The following CNTNAP2 variants were observed in gnomAD, a reference collection of about 807,000 sequenced individuals.
CNTNAP2 encodes the protein contactin-associated protein-like 2.
In CNTNAP2, 98 loss-of-function variants were observed where a neutral mutation model predicts 155.2. The ratio of observed to expected loss-of-function variants is 0.63; its 90% confidence interval spans 0.54 to 0.75. The LOEUF is 0.75. Among genes scored for constraint, CNTNAP2 ranks in the 30% least tolerant of loss-of-function variants. The pLI, the probability that CNTNAP2 is intolerant of heterozygous loss-of-function variation, is 0.00. For missense variants in CNTNAP2, 1,727 were observed against 1,688.1 expected (o/e 1.02, Z -0.40); for synonymous variants, 651 against 631.2 (o/e 1.03, Z -0.47).
chr7:148,015,419 C>T (rs1166227726), intron 15 of CNTNAP2, among the ~76,000 whole-genome samples: 1 of 152,076 alleles, frequency 6.6e-6, no homozygotes, highest in African/African-American at 2.4e-5. Context: ...GGGCTCTGCT[C>T]CTAAATCCAA....
intron 1 of CNTNAP2, among the ~76,000 whole-genome samples, chr7:146,570,217 T>C (rs1447953289): frequency 9.2e-5 from 14 of 152,158 alleles, no homozygotes; most frequent in Non-Finnish European, 2.1e-4. Context: ...CAGCCCATTT[T>C]TTTTTTTCTC....
At chr7:147,117,034 T>C (rs1801005627) in intron 5 of CNTNAP2, among the ~76,000 whole-genome samples, 1 of 152,156 alleles carries the variant, frequency 6.6e-6, no homozygotes, top group African/African-American at 2.4e-5. Flanking sequence ...CTGGCTGAAA[T>C]TCCAAGCCAG....
chr7:148,279,374 T>C (rs1349043852), intron 21 of CNTNAP2, among the ~76,000 whole-genome samples: 2 of 152,132 alleles, frequency 1.3e-5, no homozygotes, highest in South Asian at 2.1e-4. Flanking sequence ...TCAGAGCCCA[T>C]AGTATTTGGT....
chr7:148,291,312 T>A (rs1049604663), intron 21 of CNTNAP2, among the ~76,000 whole-genome samples: 2 of 108,676 alleles, frequency 1.8e-5, no homozygotes, highest in Admixed American at 1.7e-4. Context: ...TATATATATA[T>A]AAAATATGGA....
At chr7:147,157,060 G>A (rs756983273) in intron 8 of CNTNAP2, among the ~76,000 whole-genome samples, 12 of 152,054 alleles carry the variant, frequency 7.9e-5, no homozygotes, top group Non-Finnish European at 1.5e-4. Context: ...GCTTTTTGAT[G>A]CCCTGACAGT....
chr7:146,447,173 C>A (rs553333891), intron 1 of CNTNAP2, among the ~76,000 whole-genome samples: 1 of 152,068 alleles, frequency 6.6e-6, no homozygotes, highest in East Asian at 1.9e-4. Flanking sequence ...TTTGGGGGAA[C>A]AAATGGATGT....
intron 13 of CNTNAP2, among the ~76,000 whole-genome samples, chr7:147,758,680 C>G (rs1380773096): frequency 6.6e-6 from 1 of 151,836 alleles, no homozygotes; most frequent in East Asian, 1.9e-4. Flanking sequence ...CCCATCTCTA[C>G]AAAAAAATAC....
At chr7:146,604,095 C>A (rs1300028194) in intron 1 of CNTNAP2, among the ~76,000 whole-genome samples, 4 of 82,176 alleles carry the variant, frequency 4.9e-5, no homozygotes, top group Admixed American at 4.3e-4. Flanking sequence ...AACTAAAGAG[C>A]TTCTGCACAG....
At chr7:147,294,085 C>T (rs1256288272) in intron 8 of CNTNAP2, among the ~76,000 whole-genome samples, 1 of 152,124 alleles carries the variant, frequency 6.6e-6, no homozygotes, top group Non-Finnish European at 1.5e-5. Flanking sequence ...AACAGTGGTA[C>T]ATACCACACC....
At chr7:147,569,272 A>C (rs1210693091) in intron 12 of CNTNAP2, among the ~76,000 whole-genome samples, 2 of 152,182 alleles carry the variant, frequency 1.3e-5, no homozygotes, top group Admixed American at 6.5e-5. Flanking sequence ...CACAAGTTTT[A>C]CAAGTACAGT....
chr7:146,788,527 G>A (rs1802616343), intron 2 of CNTNAP2, among the ~76,000 whole-genome samples: 1 of 152,182 alleles, frequency 6.6e-6, no homozygotes, highest in Non-Finnish European at 1.5e-5. Context: ...AGGGCTGGCA[G>A]TCCACAAAAA....
At chr7:146,167,665 T>C (rs1201821768) in intron 1 of CNTNAP2, among the ~76,000 whole-genome samples, 1 of 152,214 alleles carries the variant, frequency 6.6e-6, no homozygotes, top group African/African-American at 2.4e-5. Flanking sequence ...GGTGTATGTT[T>C]GAGGAGAAAG....
intron 21 of CNTNAP2, among the ~76,000 whole-genome samples, chr7:148,372,215 A>C (rs1403796207): frequency 3.3e-5 from 5 of 152,002 alleles, no homozygotes; most frequent in African/African-American, 9.7e-5. Flanking sequence ...AAAATAAATA[A>C]AAAATAAAAG....
chr7:146,455,126 A>C (rs1796538045), intron 1 of CNTNAP2, among the ~76,000 whole-genome samples: 1 of 152,140 alleles, frequency 6.6e-6, no homozygotes, highest in African/African-American at 2.4e-5. Flanking sequence ...ACATCTGTAC[A>C]TCCTCCTTAG....
At chr7:147,393,331 T>A (rs569217142) in intron 9 of CNTNAP2, among the ~76,000 whole-genome samples, 51 of 152,220 alleles carry the variant, frequency 3.4e-4, no homozygotes, top group African/African-American at 1.2e-3. Context: ...GAATGATGAA[T>A]TCTTGTTTTA....
intron 13 of CNTNAP2, among the ~76,000 whole-genome samples, chr7:147,657,277 G>A (rs1003390100): frequency 2.0e-5 from 3 of 152,070 alleles, no homozygotes; most frequent in Non-Finnish European, 4.4e-5. Context: ...TTAACTACAA[G>A]TGAATCCAAG....
At chr7:147,056,172 G>A (rs907674844) in intron 4 of CNTNAP2, among the ~76,000 whole-genome samples, 6 of 151,974 alleles carry the variant, frequency 3.9e-5, no homozygotes, top group Non-Finnish European at 8.8e-5. Flanking sequence ...CCTGTTATCA[G>A]AACAGAAAAG....
intron 1 of CNTNAP2, among the ~76,000 whole-genome samples, chr7:146,768,350 G>T (rs1219932014): frequency 6.6e-6 from 1 of 151,796 alleles, no homozygotes; most frequent in East Asian, 2.0e-4. Context: ...AGGGTCTGGT[G>T]TCCCAACTCA....
chr7:147,983,429 T>C (rs186174871), intron 15 of CNTNAP2, among the ~76,000 whole-genome samples: 16 of 150,256 alleles, frequency 1.1e-4, no homozygotes, highest in African/African-American at 3.9e-4. Flanking sequence ...GGTGATACTG[T>C]TGACAAAAAA....
Sources: allele counts gnomAD v4.1 joint callset (sites outside exome capture counted in the v4.1 genomes callset), GRCh38; gene constraint gnomAD v4.1.1; transcripts MANE v1.5; gene names NCBI Gene and HGNC (gene_info 2026-07-23, HGNC 2026-07-21).